Variants in ORC6 observed in about 807,000 individuals in gnomAD.
ORC6 encodes origin recognition complex subunit 6, also known as origin recognition complex, subunit 6 homolog-like (yeast).
Under a neutral mutation model 30.0 loss-of-function variants are expected in ORC6, and 31 were observed. The ratio of observed to expected loss-of-function variants is 1.03; its 90% CI spans 0.78 to 1.40. The LOEUF (loss-of-function observed/expected upper bound fraction) is 1.40, where lower values mean the gene tolerates loss of function less well. Among genes scored for constraint, ORC6 ranks in the 40% most tolerant of loss-of-function variants. The pLI, the probability that ORC6 is intolerant of heterozygous loss-of-function variation, is 0.00. For synonymous variants in ORC6, 136 were observed against 111.2 expected (o/e 1.22, Z -1.40); for missense variants, 340 against 304.3 (o/e 1.12, Z -0.87).
intron 2 of ORC6, among the ~76,000 whole-genome samples, chr16:46,691,958 A>T (rs644600): frequency 9.0e-4 from 33 of 36,660 alleles, no homozygotes; most frequent in Admixed American, 1.2e-3. Flanking sequence ...ACACACACAC[A>T]CTCTCTCTCT....
chr16:46,692,249 A>T (rs1459943430), intron 2 of ORC6, 133 bp from the exon 3 acceptor site: 8 of 710,154 alleles, frequency 1.1e-5, no homozygotes, highest in Non-Finnish European at 1.7e-5. Context: ...AATGAAGCTA[A>T]ACCTTTAGGT....
chr16:46,695,558 G>C lies in ORC6; in HGVS notation c.450-4G>C, dbSNP rs886052013. The C allele has an allele frequency of 1.3e-6, 2 of 1,587,396 alleles. No homozygotes were observed. The highest frequency in any genetic ancestry group is 1.7e-6 in the Non-Finnish European group (2 of 1,155,692). ...GAAAAGCAACTTATGAAATTGTTTT[G>C]TAGGATTCTAAAGCTGAAAGTGGAT... On this transcript the variant is annotated splice_polypyrimidine_tract_variant and splice_region_variant and intron_variant, in intron 4 of 6. Coordinates refer to ENST00000219097, the MANE Select transcript of ORC6 (RefSeq NM_014321.4).
intron 1 of ORC6, 39 bp downstream of exon 1, chr16:46,689,809 C>T (rs1966406503): frequency 1.9e-6 from 3 of 1,553,356 alleles, no homozygotes; most frequent in African/African-American, 2.7e-5. Flanking sequence ...GGGCTTCCGC[C>T]TCGCGGCCCT....
chr16:46,691,691 G>A (rs1966439062), intron 2 of ORC6, among the ~76,000 whole-genome samples: 1 of 152,124 alleles, frequency 6.6e-6, no homozygotes, highest in South Asian at 2.1e-4. Flanking sequence ...AGCCTCTCTT[G>A]AATCCTGGCC....
rs1443684153 is a variant in ORC6, at chr16:46,696,005, C to T, written c.563-12C>T. On this transcript the variant is annotated splice_polypyrimidine_tract_variant and intron_variant, in intron 5 of 6. Coordinates refer to ENST00000219097, the MANE Select transcript of ORC6 (RefSeq NM_014321.4). ...ACAGGAGAAAAATTAACCTTGATAA[C>T]ACTTCTTAAAGGAGAACCTGGAGAT... is the stretch of plus-strand genomic sequence containing the variant. 1.2e-6 allele frequency: 2 copies of T among 1,602,230 alleles called. No individual in the cohort carries two copies. The highest frequency in any genetic ancestry group is 1.7e-6 in the Non-Finnish European group (2 of 1,169,128).
Position 46,696,789 on chromosome 16 carries a change from G to A in ORC6, c.632-669G>A, listed in dbSNP as rs143143817. On this transcript the variant is annotated intron_variant, in intron 6 of 6. Transcript: ENST00000219097. ...TCCCACCTCAGCCTCCCGAGTAGCT[G>A]GGACTACAGGCATGTGCTACCACAC... is the stretch of plus-strand genomic sequence containing the variant. Among the ~76,000 whole-genome samples, 76 of 152,230 alleles carry A rather than the reference G, an allele frequency of 5.0e-4. 2 individuals are homozygous for A. In the East Asian group the frequency reaches 0.011, roughly 22 times the overall value.
chr16:46,692,587 A>C, intron 3 of ORC6, 42 bp downstream of exon 3: 1 of 1,570,180 alleles, frequency 6.4e-7, no homozygotes, highest in Non-Finnish European at 8.7e-7. Flanking sequence ...GTATACCAAT[A>C]GGCCGGGCGT....
rs777978542 is a variant in ORC6, at chr16:46,691,122, T to C, written c.195+2T>C. ...TGGATGAAGTGCCCCTTGGACAGGG[T>C]AAGTAGGTCCCACCGAATGTCTGAA... On this transcript the variant is annotated splice_donor_variant, in intron 2 of 6. Transcript: ENST00000219097. LOFTEE classifies it high-confidence loss of function. 6.2e-7 allele frequency: 1 copy of C among 1,614,052 alleles called. No individual in the cohort carries two copies. The highest frequency in any genetic ancestry group is 1.3e-5 in the African/African-American group (1 of 75,040).
At chr16:46,692,928 A>G (rs988206773) in intron 3 of ORC6, among the ~76,000 whole-genome samples, 165 bp from the exon 4 acceptor site, 3 of 152,212 alleles carry the variant, frequency 2.0e-5, no homozygotes, top group Non-Finnish European at 4.4e-5. Context: ...GATACAAATT[A>G]TCCATTGTCC....
Position 46,693,176 on chromosome 16 carries a change from C to T in ORC6, c.443C>T (p.Ala148Val). The T allele has an allele frequency of 6.2e-7, 1 of 1,603,372 alleles. No individual in the cohort carries two copies. Among genetic ancestry groups the T allele is most frequent in the Non-Finnish European group, 8.5e-7 (1 of 1,170,342 alleles). ...PLFTSAALLS[A>V]CKILKLKVDK... is the part of the protein sequence containing the mutation. ...TTCACTTCTGCTGCACTGCTTTCAG[C>T]ATGCAAGTAGGTATTTCATTAAACA... is the stretch of plus-strand genomic sequence containing the variant. Residue 148 changes from alanine to valine, a missense_variant, in exon 4 of 7, where the codon GCA (alanine) becomes GTA (valine). Coordinates refer to ENST00000219097, the MANE Select transcript of ORC6 (RefSeq NM_014321.4).
At chr16:46,693,280 C>A in intron 4 of ORC6, 98 bp downstream of exon 4, 1 of 771,730 alleles carries the variant, frequency 1.3e-6, no homozygotes, top group Non-Finnish European at 2.3e-6. Context: ...CAATTCAGAG[C>A]ATATTTTCCC....
chr16:46,692,878 G>A lies in ORC6; in HGVS notation c.360-215G>A, dbSNP rs192417105. Among the ~76,000 whole-genome samples the A allele has an allele frequency of 1.5e-3, 52 of 33,796 alleles. No individual in the cohort carries two copies. The Middle Eastern group carries it at 0.034, about 22-fold the overall frequency. 22.2% of individuals were successfully genotyped at this position (33,796 alleles called of 152,430 possible). A position where few individuals can be genotyped will look rare whatever the true frequency, so the allele number is the denominator to read the frequency against. ...GCAAGACTCCGTCTTGGGGCGGGGC[G>A]GCGGTGGCGGTGGGGGGGACCAGAA... On this transcript the variant is annotated intron_variant, in intron 3 of 6. Coordinates refer to ENST00000219097, the MANE Select transcript of ORC6 (RefSeq NM_014321.4).
At chr16:46,691,741 T>C (rs2143010406) in intron 2 of ORC6, among the ~76,000 whole-genome samples, 1 of 152,306 alleles carries the variant, frequency 6.6e-6, no homozygotes, top group East Asian at 1.9e-4. Context: ...TGCACGTCAA[T>C]GATTTGTGGC....
rs773340569 is a variant in ORC6 at position 46,692,413 on chromosome 16, A to G, written c.227A>G (p.Lys76Arg). Residue 76 changes from lysine to arginine, a missense_variant, in exon 3 of 7, where the codon AAG becomes AGG. Coordinates refer to ENST00000219097, the MANE Select transcript of ORC6 (RefSeq NM_014321.4). ...TTAATTAAACTTTCTGGTTTGAACA[A>G]GGAGACATATCAGAGCTGTCTTAAA... ...AYLIKLSGLN[K>R]ETYQSCLKSF... 6.8e-6 allele frequency: 11 copies of G among 1,613,898 alleles called. No individual in the cohort carries two copies. The highest frequency in any genetic ancestry group is 2.2e-5 in the South Asian group (2 of 91,082).
chr16:46,695,981 C>A, intron 5 of ORC6, 36 bp from the exon 6 acceptor site: 1 of 1,472,242 alleles, frequency 6.8e-7, no homozygotes, highest in Non-Finnish European at 9.5e-7. Flanking sequence ...AAATTGAGAA[C>A]AGGAGAAAAA....
rs149896160 is a variant in ORC6 at position 46,695,610 on chromosome 16, T to A, written c.498T>A (p.Gly166=). 477 of 1,613,644 alleles carry A rather than the reference T, an allele frequency of 3.0e-4. No homozygotes were observed. The highest frequency in any genetic ancestry group is 3.8e-4 in the Non-Finnish European group (445 of 1,179,764). The change falls in exon 5 of 7, where the codon GGT becomes GGA. Residue 166 remains glycine, a synonymous_variant. Transcript: ENST00000219097. ...AAAACAAAATGGTAGCCACATCCGGTGTAAAAAAAGCTATATTTGATCGAC... is the reference window on the plus strand; with the variant it reads ...AAAACAAAATGGTAGCCACATCCGGAGTAAAAAAAGCTATATTTGATCGAC... ...VDKNKMVATS[G]VKKAIFDRLC... is the part of the protein sequence containing the mutation.
chr16:46,693,137 T>C lies in ORC6; in HGVS notation c.404T>C (p.Leu135Ser). The change falls in exon 4 of 7, where the codon TTA becomes TCA. Residue 135 changes from leucine (L) to serine (S), a missense_variant. Coordinates refer to ENST00000219097, the MANE Select transcript of ORC6 (RefSeq NM_014321.4). ...CAGACACAGCAAGTGGATCTTGACTTATCCAGGCCACTTTTCACTTCTGCT... is the reference window on the plus strand; with the variant it reads ...CAGACACAGCAAGTGGATCTTGACTCATCCAGGCCACTTTTCACTTCTGCT... Reference protein sequence around the residue: ...LPQTQQVDLDLSRPLFTSAAL... With the variant: ...LPQTQQVDLDSSRPLFTSAAL... The C allele has an allele frequency of 6.2e-7, 1 of 1,613,484 alleles. No homozygotes were observed. The highest frequency in any genetic ancestry group is 8.5e-7 in the Non-Finnish European group (1 of 1,179,424).
At chr16:46,690,576 A>T (rs533580331) in intron 1 of ORC6, among the ~76,000 whole-genome samples, 24 of 152,340 alleles carry the variant, frequency 1.6e-4, no homozygotes, top group African/African-American at 4.1e-4. Flanking sequence ...CCTGCTGATC[A>T]GTAACTCGGC....
intron 2 of ORC6, 35 bp downstream of exon 2, chr16:46,691,155 G>A (rs1196821169): frequency 1.2e-6 from 2 of 1,609,276 alleles, no homozygotes; most frequent in Non-Finnish European, 1.7e-6. Flanking sequence ...GAATAATCCA[G>A]TGCAACATTG....
Sources: gnomAD v4.1 joint callset for allele counts (sites outside exome capture counted in the v4.1 genomes callset) on GRCh38, gnomAD v4.1.1 for gene constraint, MANE v1.5 for transcripts, NCBI Gene and HGNC (gene_info 2026-07-23, HGNC 2026-07-21) for gene names.